Variants in ZNF536 observed in about 807,000 individuals in gnomAD.
ZNF536 encodes zinc finger protein 536.
In ZNF536, 13 loss-of-function variants were observed where a neutral mutation model predicts 84.5. The ratio of observed to expected loss-of-function variants is 0.15; its 90% CI spans 0.10 to 0.24. The LOEUF (loss-of-function observed/expected upper bound fraction) is 0.24, where lower values mean the gene tolerates loss of function less well. ZNF536 is among the 10% of genes least tolerant of loss of function. The pLI is 1.00. For synonymous variants in ZNF536, 811 were observed against 742.5 expected, an observed-to-expected ratio of 1.09 and a Z score of -1.50; for missense variants, 1,536 against 1,747.5, an observed-to-expected ratio of 0.88 and a Z score of 2.16.
chr19:30,377,171 G>C (rs1013036166), intron 1 of ZNF536, among the ~76,000 whole-genome samples: 1 of 152,156 alleles, frequency 6.6e-6, no homozygotes, highest in African/African-American at 2.4e-5. Flanking sequence ...CTAGACTGAA[G>C]GCCTCATGAG....
At chr19:30,354,808 G>C (rs780369822) in intron 3 of ZNF536, among the ~76,000 whole-genome samples, 2 of 152,164 alleles carry the variant, frequency 1.3e-5, no homozygotes, top group Non-Finnish European at 2.9e-5. Flanking sequence ...CCTGCCCCTC[G>C]CTGACTTTCA....
chr19:30,472,801 C>T (rs1723018610), intron 2 of ZNF536, among the ~76,000 whole-genome samples: 1 of 152,150 alleles, frequency 6.6e-6, no homozygotes, highest in Non-Finnish European at 1.5e-5. Context: ...CCTGCAGTTT[C>T]TGGAATGGTC....
chr19:30,701,516 C>T (rs1390535073), intron 1 of ZNF536, among the ~76,000 whole-genome samples: 4 of 89,040 alleles, frequency 4.5e-5, no homozygotes, highest in Admixed American at 1.1e-4. Context: ...AACTCACAAA[C>T]ACACAGACAC....
At chr19:30,614,964 T>TTTTTTA (rs1491197789) in intron 1 of ZNF536, among the ~76,000 whole-genome samples, 1 of 98,888 alleles carries the variant, frequency 1.0e-5, no homozygotes, top group Non-Finnish European at 2.1e-5. Context: ...TTTTTTTTTT[T>TTTTTTA]GAGGCGGAGT....
chr19:30,275,434 A>G (rs752693980), intron 1 of ZNF536, among the ~76,000 whole-genome samples: 7 of 152,162 alleles, frequency 4.6e-5, no homozygotes, highest in Non-Finnish European at 8.8e-5. Context: ...GGATACGGCC[A>G]TGGGGGCCAC....
chr19:30,229,625 C>T (rs2022879516), intron 1 of ZNF536, among the ~76,000 whole-genome samples: 1 of 152,184 alleles, frequency 6.6e-6, no homozygotes, highest in Non-Finnish European at 1.5e-5. Context: ...CCCTGCAGCC[C>T]TCTGGCCTCT....
rs192607126 is a variant in ZNF536, at chr19:30,516,820, C to T, written c.2171-18027C>T. Among the ~76,000 whole-genome samples the T allele has an allele frequency of 9.7e-4, 147 of 152,142 alleles. 2 individuals carry two copies. The highest frequency in any genetic ancestry group is 3.3e-3 in the African/African-American group (139 of 41,516). On this transcript the variant is annotated intron_variant, in intron 2 of 4. Transcript: ENST00000355537. ...AGGCTTCGTGGCGGCAGTGGAAGTG[C>T]GAGGCTTCGTGGCGAGGCTTCGTGA...
At chr19:30,483,324 G>A (rs1358241739) in intron 2 of ZNF536, among the ~76,000 whole-genome samples, 3 of 152,128 alleles carry the variant, frequency 2.0e-5, no homozygotes, top group Non-Finnish European at 4.4e-5. Flanking sequence ...TCCCCTTCTG[G>A]GAAATGCATC....
chr19:30,529,762 C>T (rs1381019067), intron 2 of ZNF536, among the ~76,000 whole-genome samples: 1 of 152,200 alleles, frequency 6.6e-6, no homozygotes. Context: ...TAGGCACGGG[C>T]AGAGGAGAAA....
At chr19:30,591,600 G>A (rs144536761) in intron 1 of ZNF536, among the ~76,000 whole-genome samples, 26 of 152,272 alleles carry the variant, frequency 1.7e-4, no homozygotes, top group African/African-American at 6.3e-4. Context: ...TACAATTCAA[G>A]GTGAGATTTG....
chr19:30,278,572 A>C (rs1028009614), intron 1 of ZNF536, among the ~76,000 whole-genome samples: 4 of 152,084 alleles, frequency 2.6e-5, no homozygotes, highest in African/African-American at 9.7e-5. Context: ...TGGTGAACAC[A>C]CCTGGGTCCT....
At chr19:30,390,812 C>CA (rs2049556225) in intron 1 of ZNF536, among the ~76,000 whole-genome samples, 1 of 152,174 alleles carries the variant, frequency 6.6e-6, no homozygotes, top group African/African-American at 2.4e-5. Context: ...CCCCCGCCCC[C>CA]ATGTTTACAC....
intron 1 of ZNF536, among the ~76,000 whole-genome samples, chr19:30,269,082 G>C (rs943077883): frequency 6.6e-6 from 1 of 152,250 alleles, no homozygotes; most frequent in East Asian, 1.9e-4. Flanking sequence ...GGTCTTTAGT[G>C]AACAAGGTAG....
At chr19:30,343,179 G>A (rs1421775391) in intron 2 of ZNF536, among the ~76,000 whole-genome samples, 1 of 152,176 alleles carries the variant, frequency 6.6e-6, no homozygotes, top group African/African-American at 2.4e-5. Context: ...CTAAGAAAGA[G>A]GCTTTCACAT....
chr19:30,577,365 C>A (rs1426060094), intron 1 of ZNF536, among the ~76,000 whole-genome samples: 1 of 151,966 alleles, frequency 6.6e-6, no homozygotes, highest in Non-Finnish European at 1.5e-5. Flanking sequence ...GCCTGGTGTT[C>A]TTGGGGGTTG....
intron 2 of ZNF536, among the ~76,000 whole-genome samples, chr19:30,310,789 C>T (rs1029231804): frequency 6.6e-6 from 1 of 152,216 alleles, no homozygotes; most frequent in African/African-American, 2.4e-5. Context: ...TGACTAAATA[C>T]AGACAATTAA....
chr19:30,265,573 G>A (rs1568543693), intron 1 of ZNF536, among the ~76,000 whole-genome samples: 1 of 152,188 alleles, frequency 6.6e-6, no homozygotes, highest in Non-Finnish European at 1.5e-5. Context: ...GCAGGAACTG[G>A]GGAGACGCAC....
chr19:30,651,263 A>G (rs946831559), intron 1 of ZNF536, among the ~76,000 whole-genome samples: 5 of 152,190 alleles, frequency 3.3e-5, no homozygotes, highest in African/African-American at 1.2e-4. Context: ...TCCTAGAACC[A>G]GGTAGCAAAT....
chr19:30,410,668 C>T (rs2018424899), intron 1 of ZNF536, among the ~76,000 whole-genome samples: 1 of 151,914 alleles, frequency 6.6e-6, no homozygotes, highest in Admixed American at 6.6e-5. Flanking sequence ...TTAGTAGAGA[C>T]GGGGTTTCAC....
Sources: gnomAD v4.1 joint callset for allele counts (sites outside exome capture counted in the v4.1 genomes callset) on GRCh38, gnomAD v4.1.1 for gene constraint, MANE v1.5 for transcripts, NCBI Gene and HGNC (gene_info 2026-07-23, HGNC 2026-07-21) for gene names.